CTTNBP2: variants seen among roughly 807,000 people sequenced by gnomAD.
CTTNBP2 encodes the protein cortactin-binding protein 2.
In CTTNBP2, 108 loss-of-function variants were observed where a neutral mutation model predicts 156.9. That is an observed-to-expected ratio of 0.69 (90% CI 0.59 to 0.81). The LOEUF (loss-of-function observed/expected upper bound fraction) is 0.81, where lower values mean the gene tolerates loss of function less well. Among genes scored for constraint, CTTNBP2 ranks in the 30% least tolerant of loss-of-function variants. CTTNBP2 has a pLI of 0.00. For missense variants in CTTNBP2, 1,924 were observed against 2,035.4 expected (o/e 0.95, Z 1.05); for synonymous variants, 767 against 751.8 (o/e 1.02, Z -0.33).
chr7:117,776,051 C>T (rs990911474), intron 8 of CTTNBP2, among the ~76,000 whole-genome samples: 2 of 152,194 alleles, frequency 1.3e-5, no homozygotes, highest in Non-Finnish European at 1.5e-5. Flanking sequence ...GCTCTAAATA[C>T]ACATCTTTAG....
intron 4 of CTTNBP2, 106 bp downstream of exon 4, chr7:117,791,022 G>A: frequency 1.1e-6 from 1 of 874,446 alleles, no homozygotes; most frequent in Non-Finnish European, 1.8e-6. Context: ...GTGGGGGGAA[G>A]CATCAAATTT....
At chr7:117,786,414 C>T (rs1798705173) in intron 4 of CTTNBP2, 1 of 431,232 alleles carries the variant, frequency 2.3e-6, no homozygotes, top group South Asian at 1.7e-5. Flanking sequence ...TACATTTTAC[C>T]TTTTGTATTT....
At chr7:117,871,356 T>TTTACTA (rs1804585221) in intron 1 of CTTNBP2, among the ~76,000 whole-genome samples, 1 of 152,216 alleles carries the variant, frequency 6.6e-6, no homozygotes, top group Non-Finnish European at 1.5e-5. Flanking sequence ...ACAAAAGCCA[T>TTTACTA]CATCAAAATT....
chr7:117,731,882 A>G lies in CTTNBP2; in HGVS notation c.3876+3031T>C, dbSNP rs537112242. The stretch of plus-strand genomic sequence containing the variant: ...ACACAAAATAGAGGGGCACGCAGAC[A>G]AAGGAGAAAGCTGGATCAATTTTTA... On this transcript the variant is annotated intron_variant, in intron 16 of 22. Transcript: ENST00000160373. 5.9e-5 allele frequency among the ~76,000 whole-genome samples: 9 copies of G among 152,366 alleles called. No individual in the cohort carries two copies. The South Asian group carries it at 1.7e-3, about 28-fold the overall frequency.
Position 117,852,391 on chromosome 7 carries a change from T to C in CTTNBP2, c.189+8818A>G, listed in dbSNP as rs1003349945. Among the ~76,000 whole-genome samples the C allele has an allele frequency of 2.0e-5, 3 of 151,696 alleles. No individual in the cohort carries two copies. The South Asian group carries it at 6.2e-4, about 32-fold the overall frequency. On this transcript the variant is annotated intron_variant, in intron 2 of 22. Coordinates refer to ENST00000160373, the MANE Select transcript of CTTNBP2 (RefSeq NM_033427.3). ...CAAGAGACAGACTTAATGACTAAAA[T>C]ATGCAAAGATGGTCAGGGTGGAAAG...
At chr7:117,779,729 C>CATAT (rs145722031) in intron 7 of CTTNBP2, among the ~76,000 whole-genome samples, 22 of 147,506 alleles carry the variant, frequency 1.5e-4, no homozygotes, top group African/African-American at 4.5e-4. Context: ...TACATCTCTG[C>CATAT]ATATATATAT....
intron 4 of CTTNBP2, among the ~76,000 whole-genome samples, chr7:117,785,883 C>T (rs193205468): frequency 1.3e-5 from 2 of 152,232 alleles, no homozygotes; most frequent in Admixed American, 6.5e-5. Context: ...CCTTTCTTAG[C>T]AGTGGAATAC....
intron 2 of CTTNBP2, among the ~76,000 whole-genome samples, chr7:117,854,446 C>T (rs760515397): frequency 9.2e-5 from 14 of 152,194 alleles, no homozygotes; most frequent in African/African-American, 1.7e-4. Flanking sequence ...TACTCTGCGG[C>T]TGCTTTTAAA....
intron 8 of CTTNBP2, among the ~76,000 whole-genome samples, chr7:117,771,029 G>C (rs1797769274): frequency 6.6e-6 from 1 of 152,194 alleles, no homozygotes; most frequent in South Asian, 2.1e-4. Flanking sequence ...CCACTTGCCG[G>C]AACTCAAGTA....
intron 2 of CTTNBP2, among the ~76,000 whole-genome samples, chr7:117,827,532 C>T (rs1254038663): frequency 6.6e-6 from 1 of 152,088 alleles, no homozygotes; most frequent in African/African-American, 2.4e-5. Flanking sequence ...CACATGAGCA[C>T]GTATACAAAC....
intron 14 of CTTNBP2, among the ~76,000 whole-genome samples, chr7:117,744,368 C>T (rs915301226): frequency 1.3e-5 from 2 of 152,140 alleles, no homozygotes; most frequent in Non-Finnish European, 2.9e-5. Context: ...CATCCTTCTA[C>T]TCTCTATCTC....
At chr7:117,712,821 C>T (rs1392295118) in intron 22 of CTTNBP2, among the ~76,000 whole-genome samples, 1 of 152,046 alleles carries the variant, frequency 6.6e-6, no homozygotes, top group Non-Finnish European at 1.5e-5. Flanking sequence ...CATGGACATA[C>T]GATTTTAAAA....
intron 4 of CTTNBP2, among the ~76,000 whole-genome samples, chr7:117,789,919 A>T (rs538128817): frequency 6.6e-6 from 1 of 152,342 alleles, no homozygotes; most frequent in African/African-American, 2.4e-5. Flanking sequence ...CAAAATATGG[A>T]TAAAGCCTCT....
At chr7:117,754,993 G>C (rs1386128885) in intron 12 of CTTNBP2, among the ~76,000 whole-genome samples, 1 of 152,184 alleles carries the variant, frequency 6.6e-6, no homozygotes, top group Non-Finnish European at 1.5e-5. Flanking sequence ...AAGGGGGAAG[G>C]GGAGAGAAGG....
At chr7:117,713,998 TA>T (rs553708885) in intron 22 of CTTNBP2, 1 of 152,278 alleles carries the variant, frequency 6.6e-6, no homozygotes, top group East Asian at 1.9e-4. Context: ...AGCTTCCTGA[TA>T]AAACAAAAAA....
At chr7:117,832,407 T>C (rs921139623) in intron 2 of CTTNBP2, among the ~76,000 whole-genome samples, 14 of 152,108 alleles carry the variant, frequency 9.2e-5, no homozygotes, top group African/African-American at 2.2e-4. Context: ...CCCTAAAACG[T>C]AGGTCTAAGG....
At chr7:117,749,027 C>T (rs1002508988) in intron 12 of CTTNBP2, among the ~76,000 whole-genome samples, 1 of 152,208 alleles carries the variant, frequency 6.6e-6, no homozygotes, top group Admixed American at 6.5e-5. Context: ...GAACTTTCCA[C>T]ACCCTGGAAC....
chr7:117,716,006 G>C (rs1584876201), intron 22 of CTTNBP2: 1 of 150,926 alleles, frequency 6.6e-6, no homozygotes, highest in Admixed American at 6.6e-5. Context: ...GGCACTTTCT[G>C]AGAAAAACAT....
Position 117,723,773 on chromosome 7 carries a change from GAC to G in CTTNBP2, c.4447+772_4447+773del, listed in dbSNP as rs1196343877. On this transcript the variant is annotated intron_variant, in intron 19 of 22. Transcript: ENST00000160373. ...GGATCTTTTTTTTTTTTTTTTTTGA[GAC>G]ACAGTCTTGCTCTGTCACTCAGCCT... Among the ~76,000 whole-genome samples the G allele has an allele frequency of 5.2e-5, 7 of 134,852 alleles. No individual in the cohort carries two copies. In the South Asian group the frequency reaches 9.2e-4, roughly 18 times the overall value. The allele number at this position is 134,852 out of a possible 152,430, so 88.5% of individuals were successfully genotyped here. A position where few individuals can be genotyped will look rare whatever the true frequency, so the allele number is the denominator to read the frequency against.
Sources: gnomAD v4.1 joint callset for allele counts (sites outside exome capture counted in the v4.1 genomes callset) on GRCh38, gnomAD v4.1.1 for gene constraint, MANE v1.5 for transcripts, NCBI Gene and HGNC (gene_info 2026-07-23, HGNC 2026-07-21) for gene names.